The following TRNAU1AP variants were observed in gnomAD, a reference collection of about 807,000 sequenced individuals.
The protein encoded by TRNAU1AP is tRNA selenocysteine 1-associated protein 1.
A neutral mutation model predicts 43.3 loss-of-function variants in TRNAU1AP; 33 were observed. The ratio of observed to expected loss-of-function variants is 0.76; its 90% CI spans 0.58 to 1.02. The LOEUF is 1.02. Among genes scored for constraint, TRNAU1AP ranks in the 50% least tolerant of loss-of-function variants. The pLI is 0.00. For synonymous variants in TRNAU1AP, 143 were observed against 129.1 expected (o/e 1.11, Z -0.73); for missense variants, 290 against 362.7 (o/e 0.80, Z 1.63).
intron 2 of TRNAU1AP, among the ~76,000 whole-genome samples, chr1:28,557,144 G>A (rs1181960554): frequency 6.6e-6 from 1 of 150,796 alleles, no homozygotes; most frequent in Non-Finnish European, 1.5e-5. Flanking sequence ...TATGGGCCAG[G>A]CACAGTGGCT....
At chr1:28,566,932 T>C (rs1025639052) in intron 5 of TRNAU1AP, among the ~76,000 whole-genome samples, 1 of 152,276 alleles carries the variant, frequency 6.6e-6, no homozygotes, top group African/African-American at 2.4e-5. Context: ...GTGCCTGGCA[T>C]ACAGGGCAGA....
Position 28,564,691 on chromosome 1 carries a change from C to G in TRNAU1AP, c.279-12C>G, listed in dbSNP as rs1665497261. On this transcript the variant is annotated splice_polypyrimidine_tract_variant and intron_variant, in intron 4 of 8. Coordinates refer to ENST00000373830, the MANE Select transcript of TRNAU1AP (RefSeq NM_017846.5). The stretch of plus-strand genomic sequence containing the variant: ...GTCTTTGCCTCTGAATCTTCTTGTT[C>G]TCTCTCCTCAGCCCTGAGTATTCCC... 6.2e-7 allele frequency: 1 copy of G among 1,606,604 alleles called. No individual in the cohort carries two copies. Among genetic ancestry groups the G allele is most frequent in the Non-Finnish European group, 8.5e-7 (1 of 1,176,940 alleles).
At chr1:28,567,166 C>G (rs1332688570) in intron 5 of TRNAU1AP, 128 bp from the exon 6 acceptor site, 1 of 987,038 alleles carries the variant, frequency 1.0e-6, no homozygotes, top group Non-Finnish European at 1.5e-6. Flanking sequence ...TGGACTCTCT[C>G]TTTCTCTTCT....
At chr1:28,556,944 T>G (rs1427319866) in intron 2 of TRNAU1AP, among the ~76,000 whole-genome samples, 1 of 145,004 alleles carries the variant, frequency 6.9e-6, no homozygotes, top group Non-Finnish European at 1.5e-5. Flanking sequence ...CCCAAAGTGC[T>G]GGGATTACAG....
At chr1:28,573,368 C>T (rs941922226) in intron 8 of TRNAU1AP, among the ~76,000 whole-genome samples, 2 of 147,966 alleles carry the variant, frequency 1.4e-5, no homozygotes, top group Non-Finnish European at 1.5e-5. Context: ...AAGCCTTGCA[C>T]GGTGGCTCAC....
At chr1:28,570,894 T>G (rs1665648852) in intron 6 of TRNAU1AP, among the ~76,000 whole-genome samples, 1 of 151,980 alleles carries the variant, frequency 6.6e-6, no homozygotes, top group Non-Finnish European at 1.5e-5. Context: ...TGAAACCCTG[T>G]CTCTACTGAA....
At chr1:28,564,248 G>A (rs1415086052) in intron 4 of TRNAU1AP, among the ~76,000 whole-genome samples, 2 of 152,088 alleles carry the variant, frequency 1.3e-5, no homozygotes, top group Non-Finnish European at 1.5e-5. Flanking sequence ...CCTGGGCAAC[G>A]AGCAAAACTC....
At chr1:28,554,607 C>T (rs750752462) in intron 2 of TRNAU1AP, among the ~76,000 whole-genome samples, 2 of 151,544 alleles carry the variant, frequency 1.3e-5, no homozygotes, top group African/African-American at 4.8e-5. Flanking sequence ...TTTGGGAGGC[C>T]GAGGCAGGCC....
chr1:28,557,692 C>T (rs1219426888), intron 2 of TRNAU1AP, among the ~76,000 whole-genome samples: 1 of 151,406 alleles, frequency 6.6e-6, no homozygotes. Context: ...GGGTTCAAGC[C>T]ATTCTCCTGC....
At position 28,568,845 on chromosome 1, in the gene TRNAU1AP, T is replaced by G. The variant is rs1665598303; in HGVS notation, c.530+1432T>G. ...TTTTTTTTTTGAGATGGTGTCTTGC[T>G]CTTTTGCCCATGCTGGAATGCAGTG... On this transcript the variant is annotated intron_variant, in intron 6 of 8. Transcript: ENST00000373830. Among the ~76,000 whole-genome samples, 6 of 150,902 alleles carry G rather than the reference T, an allele frequency of 4.0e-5. 1 individual carries two copies. In the South Asian group the frequency reaches 1.3e-3, roughly 32 times the overall value.
chr1:28,569,916 G>A (rs1383077361), intron 6 of TRNAU1AP, among the ~76,000 whole-genome samples: 4 of 151,694 alleles, frequency 2.6e-5, no homozygotes, highest in Non-Finnish European at 5.9e-5. Context: ...CAGGAGAATG[G>A]CATGAACCCA....
Position 28,567,279 on chromosome 1 carries a change from AT to A in TRNAU1AP, c.411-8del. 6.2e-7 allele frequency: 1 copy of A among 1,610,098 alleles called. No homozygotes were observed. Among genetic ancestry groups the A allele is most frequent in the African/African-American group, 1.3e-5 (1 of 74,696 alleles). ...ATCACATTTGTGATCTAAATTGTAT[AT>A]TTTTTTCATGCAGGGGTTATGGTTT... On this transcript the variant is annotated splice_polypyrimidine_tract_variant and intron_variant, in intron 5 of 8. Transcript: ENST00000373830.
At chr1:28,561,084 AAG>A in intron 3 of TRNAU1AP, 1 of 1,375,156 alleles carries the variant, frequency 7.3e-7, no homozygotes, top group Non-Finnish European at 9.4e-7. Flanking sequence ...GACACATTTC[AAG>A]AGAGTTGCAT....
chr1:28,567,047 T>C (rs1665557830), intron 5 of TRNAU1AP, among the ~76,000 whole-genome samples: 1 of 152,220 alleles, frequency 6.6e-6, no homozygotes, highest in Admixed American at 6.5e-5. Flanking sequence ...TCGAGGAGGA[T>C]GGTGAACTGA....
chr1:28,566,488 C>A (rs1170037099), intron 5 of TRNAU1AP, among the ~76,000 whole-genome samples: 1 of 151,674 alleles, frequency 6.6e-6, no homozygotes, highest in Non-Finnish European at 1.5e-5. Context: ...CGTGGTGGCT[C>A]ATGCCTGTAA....
intron 8 of TRNAU1AP, among the ~76,000 whole-genome samples, chr1:28,576,706 TCTC>T (rs1295702221): frequency 6.6e-6 from 1 of 151,964 alleles, no homozygotes; most frequent in Non-Finnish European, 1.5e-5. Context: ...TTCAAGCAAT[TCTC>T]CTGCCTCAGC....
chr1:28,561,333 T>C lies in TRNAU1AP; in HGVS notation c.226-13T>C. The C allele has an allele frequency of 6.2e-7, 1 of 1,614,146 alleles. No homozygotes were observed. Among genetic ancestry groups the C allele is most frequent in the African/African-American group, 1.3e-5 (1 of 75,076 alleles). On this transcript the variant is annotated splice_polypyrimidine_tract_variant and intron_variant, in intron 3 of 8. Transcript: ENST00000373830. ...CTTTCTCTGTTTTAGTTTGTTTGTT[T>C]TTCAACTTCCAGGCGAAACGTTTTA...
At chr1:28,575,901 G>A (rs1355611554) in intron 8 of TRNAU1AP, among the ~76,000 whole-genome samples, 2 of 95,310 alleles carry the variant, frequency 2.1e-5, no homozygotes, top group Non-Finnish European at 4.0e-5. Context: ...TTGCTCTGTC[G>A]CCAGGCTGGA....
chr1:28,577,555 TGAG>T lies in TRNAU1AP; in HGVS notation c.787_789del (p.Glu263del), dbSNP rs1425724768. 2 of 1,613,900 alleles carry T rather than the reference TGAG, an allele frequency of 1.2e-6. No homozygotes were observed. Among genetic ancestry groups the T allele is most frequent in the Non-Finnish European group, 1.7e-6 (2 of 1,179,952 alleles). ...CCAACAAGGAGTTCATGGAACAGAG[TGAG>T]GAGCTGTATGACGCTCTGATGGACT... On this transcript the variant is annotated inframe_deletion, in exon 9 of 9. Transcript: ENST00000373830.
Sources: allele counts gnomAD v4.1 joint callset (sites outside exome capture counted in the v4.1 genomes callset), GRCh38; gene constraint gnomAD v4.1.1; transcripts MANE v1.5; gene names NCBI Gene and HGNC (gene_info 2026-07-23, HGNC 2026-07-21).